The following RPL18A variants were observed in gnomAD, a reference collection of about 807,000 sequenced individuals.
RPL18A encodes the protein large ribosomal subunit protein eL20.
For missense variants in RPL18A, 163 were observed against 254.1 expected (o/e 0.64, Z 2.44); for synonymous variants, 122 against 96.9 (o/e 1.26, Z -1.52).
chr19:17,860,334 T>A, intron 1 of RPL18A: 1 of 317,988 alleles, frequency 3.1e-6, no homozygotes, highest in Non-Finnish European at 5.8e-6. Context: ...TAGTGTGTTT[T>A]CTTTCTGCCG....
intron 3 of RPL18A, 196 bp from the exon 4 acceptor site, chr19:17,862,722 T>C (rs771679799): frequency 6.6e-6 from 5 of 762,584 alleles, no homozygotes; most frequent in East Asian, 4.9e-5. Context: ...TCCACAACTC[T>C]AGTGGCCAGT....
Position 17,861,443 on chromosome 19 carries a change from T to C in RPL18A, c.169T>C (p.Ser57Pro). Residue 57 changes from serine (S) to proline (P), a missense_variant, in exon 2 of 5, where the codon TCT becomes CCT. Coordinates refer to ENST00000222247, the MANE Select transcript of RPL18A (RefSeq NM_000980.4). ...ATCTCAGTTAAAGAAGATGAAGAAG[T>C]CTTCAGGGGAGATTGTCTACTGTGG... Reference protein sequence around the residue: ...FVSQLKKMKKSSGEIVYCGQV... With the variant: ...FVSQLKKMKKPSGEIVYCGQV... 6.3e-7 allele frequency: 1 copy of C among 1,599,370 alleles called. No homozygotes were observed. Among genetic ancestry groups the C allele is most frequent in the Non-Finnish European group, 8.5e-7 (1 of 1,170,574 alleles).
In RPL18A at chr19:17,861,422, C is replaced by G. The variant is rs762719811; in HGVS notation, c.148C>G (p.Gln50Glu). Reference protein sequence around the residue: ...AKSRFWYFVSQLKKMKKSSGE... With the variant: ...AKSRFWYFVSELKKMKKSSGE... ...GTCCCGCTTCTGGTACTTTGTATCT[C>G]AGTTAAAGAAGATGAAGAAGTCTTC... The change falls in exon 2 of 5, where the codon CAG (glutamine) becomes GAG (glutamate). Residue 50 changes from glutamine (Q) to glutamate (E), a missense_variant. Physicochemically the swap from Gln to Glu is conservative, Grantham distance 29. Coordinates refer to ENST00000222247, the MANE Select transcript of RPL18A (RefSeq NM_000980.4). The G allele has an allele frequency of 4.4e-6, 7 of 1,607,382 alleles. No homozygotes were observed. In the South Asian group the frequency reaches 4.4e-5, roughly 10 times the overall value.
rs200974938 is a variant in RPL18A at position 17,862,903 on chromosome 19, C to T, written c.329-15C>T. 1.5e-5 allele frequency: 24 copies of T among 1,588,348 alleles called. No homozygotes were observed. In the East Asian group the frequency reaches 1.8e-4, roughly 12 times the overall value. On this transcript the variant is annotated splice_polypyrimidine_tract_variant and intron_variant, in intron 3 of 4. Coordinates refer to ENST00000222247, the MANE Select transcript of RPL18A (RefSeq NM_000980.4). ...CCAGGCAACACCGTCACCCTGGCCC[C>T]GCTCCTTTCCACAGACCGAGACATG...
Position 17,862,129 on chromosome 19 carries a change from C to G in RPL18A, c.234C>G (p.Phe78Leu). 1 of 1,612,348 alleles carries G rather than the reference C, an allele frequency of 6.2e-7. No homozygotes were observed. The highest frequency in any genetic ancestry group is 8.5e-7 in the Non-Finnish European group (1 of 1,179,962). ...AGTCCCCCCTGCGGGTGAAGAACTT[C>G]GGGATCTGGCTGCGCTATGACTCCC... ...FEKSPLRVKN[F>L]GIWLRYDSRS... The change falls in exon 3 of 5, where the codon TTC (phenylalanine) becomes TTG (leucine). Residue 78 changes from phenylalanine (F) to leucine (L), a missense_variant. Coordinates refer to ENST00000222247, the MANE Select transcript of RPL18A (RefSeq NM_000980.4).
chr19:17,860,332 T>G, intron 1 of RPL18A: 1 of 325,182 alleles, frequency 3.1e-6, no homozygotes, highest in South Asian at 5.7e-5. Context: ...AATAGTGTGT[T>G]TTCTTTCTGC....
rs565769311 is a variant in RPL18A at position 17,862,143 on chromosome 19, G to A, written c.248G>A (p.Arg83His). The A allele has an allele frequency of 1.3e-5, 21 of 1,612,608 alleles. No individual in the cohort carries two copies. Among genetic ancestry groups the A allele is most frequent in the East Asian group, 2.2e-5 (1 of 44,886 alleles). ...LRVKNFGIWL[R>H]YDSRSGTHNM... Reference sequence around the variant, plus strand: ...GTGAAGAACTTCGGGATCTGGCTGCGCTATGACTCCCGGAGCGGCACCCAC... The same window carrying A: ...GTGAAGAACTTCGGGATCTGGCTGCACTATGACTCCCGGAGCGGCACCCAC... Residue 83 changes from arginine (R) to histidine (H), a missense_variant, in exon 3 of 5, where the codon CGC becomes CAC. Coordinates refer to ENST00000222247, the MANE Select transcript of RPL18A (RefSeq NM_000980.4).
intron 1 of RPL18A, chr19:17,860,833 A>C (rs146041760): frequency 1.4e-3 from 236 of 169,742 alleles, no homozygotes; most frequent in African/African-American, 4.2e-3. Flanking sequence ...AGGGCTGGGG[A>C]GAGACCTGAG....
chr19:17,861,225 G>A (rs2147715539), intron 1 of RPL18A, 68 bp from the exon 2 acceptor site: 7 of 1,435,098 alleles, frequency 4.9e-6, no homozygotes, highest in East Asian at 4.7e-5. Context: ...ATGTAGGAAA[G>A]GGAGTGAGGT....
At chr19:17,860,085 C>T in intron 1 of RPL18A, 111 bp downstream of exon 1, 1 of 975,156 alleles carries the variant, frequency 1.0e-6, no homozygotes, top group Admixed American at 3.9e-5. Context: ...GTTTGGGCCC[C>T]CCTTGGCCGC....
chr19:17,862,531 C>T, intron 3 of RPL18A: 1 of 703,698 alleles, frequency 1.4e-6, no homozygotes, highest in South Asian at 1.4e-5. Flanking sequence ...GTGTTGGGAG[C>T]TGGCACCTTT....
chr19:17,862,277 CTG>C, intron 3 of RPL18A, 54 bp downstream of exon 3: 1 of 1,595,302 alleles, frequency 6.3e-7, no homozygotes, highest in South Asian at 1.1e-5. Flanking sequence ...CTCCCTCACA[CTG>C]AGGCAGGGCA....
intron 2 of RPL18A, 89 bp downstream of exon 2, chr19:17,861,561 C>A: frequency 9.4e-7 from 1 of 1,062,148 alleles, no homozygotes; most frequent in Non-Finnish European, 1.4e-6. Flanking sequence ...AGACATCGAA[C>A]GGGTGCGGTA....
chr19:17,859,926 T>G lies in RPL18A; in HGVS notation c.-31T>G. The stretch of plus-strand genomic sequence containing the variant: ...CTGCGCGACAGAGGACACTTCCTTT[T>G]GCGGGTGGCGGCGAACGCGGAGAGC... On this transcript the variant is annotated 5_prime_UTR_variant, in exon 1 of 5. Transcript: ENST00000222247. The G allele has an allele frequency of 3.9e-6, 6 of 1,543,494 alleles. No homozygotes were observed. Among genetic ancestry groups the G allele is most frequent in the Non-Finnish European group, 5.2e-6 (6 of 1,145,368 alleles).
In RPL18A at chr19:17,859,916, C is replaced by T. The variant is rs1409384575; in HGVS notation, c.-41C>T. 2 of 1,542,556 alleles carry T rather than the reference C, an allele frequency of 1.3e-6. No homozygotes were observed. Among genetic ancestry groups the T allele is most frequent in the Non-Finnish European group, 1.7e-6 (2 of 1,144,484 alleles). On this transcript the variant is annotated 5_prime_UTR_variant, in exon 1 of 5. Coordinates refer to ENST00000222247, the MANE Select transcript of RPL18A (RefSeq NM_000980.4). ...TGGTGAACGGCTGCGCGACAGAGGACACTTCCTTTTGCGGGTGGCGGCGAA... is the reference window on the plus strand; with the variant it reads ...TGGTGAACGGCTGCGCGACAGAGGATACTTCCTTTTGCGGGTGGCGGCGAA...
rs573386150 is a variant in RPL18A, at chr19:17,862,390, C to T, written c.328+167C>T. ...CCCCAGATGGCGCTTTTCTGAGAGC[C>T]CTGCCAGGCTCGGTTGTAAATCACA... On this transcript the variant is annotated intron_variant, in intron 3 of 4. Coordinates refer to ENST00000222247, the MANE Select transcript of RPL18A (RefSeq NM_000980.4). 9.4e-5 allele frequency: 75 copies of T among 801,156 alleles called. No homozygotes were observed. The East Asian group carries it at 1.8e-3, about 19-fold the overall frequency. 49.6% of individuals were successfully genotyped at this position (801,156 alleles called of 1,614,324 possible). A position where few individuals can be genotyped will look rare whatever the true frequency, so the allele number is the denominator to read the frequency against.
intron 1 of RPL18A, among the ~76,000 whole-genome samples, chr19:17,860,560 C>T (rs573819556): frequency 1.8e-4 from 28 of 152,314 alleles, no homozygotes; most frequent in African/African-American, 6.3e-4. Flanking sequence ...CCTTCCTGAA[C>T]GTGTGCCGAG....
Position 17,861,493 on chromosome 19 carries a change from C to T in RPL18A, c.198+21C>T, listed in dbSNP as rs938875219. On this transcript the variant is annotated intron_variant, in intron 2 of 4. Coordinates refer to ENST00000222247, the MANE Select transcript of RPL18A (RefSeq NM_000980.4). ...GGCAGGTATGGAGAGGCCGGGGCTACGTGGGGTCTGGAGTGGATTTGCGCC... is the reference window on the plus strand; with the variant it reads ...GGCAGGTATGGAGAGGCCGGGGCTATGTGGGGTCTGGAGTGGATTTGCGCC... 25 of 1,556,516 alleles carry T rather than the reference C, an allele frequency of 1.6e-5. 1 individual carries two copies. The South Asian group carries it at 1.8e-4, about 11-fold the overall frequency.
At chr19:17,862,813 T>C in intron 3 of RPL18A, 105 bp from the exon 4 acceptor site, 1 of 822,346 alleles carries the variant, frequency 1.2e-6, no homozygotes, top group Non-Finnish European at 2.1e-6. Flanking sequence ...AGGCAGTTGC[T>C]GTGACCAACA....
Sources: allele counts gnomAD v4.1 joint callset (sites outside exome capture counted in the v4.1 genomes callset), GRCh38; gene constraint gnomAD v4.1.1; transcripts MANE v1.5; gene names NCBI Gene and HGNC (gene_info 2026-07-23, HGNC 2026-07-21).